The following RBPJ variants were observed in gnomAD, a reference collection of about 807,000 sequenced individuals.
RBPJ encodes recombining binding protein suppressor of hairless.
In RBPJ, 9 loss-of-function variants were observed where a neutral mutation model predicts 67.8. The observed-to-expected ratio is 0.13, with a 90% CI of 0.08 to 0.23. The LOEUF (loss-of-function observed/expected upper bound fraction) is 0.23, where lower values mean the gene tolerates loss of function less well. Among genes scored for constraint, RBPJ ranks in the 10% least tolerant of loss-of-function variants. The pLI is 1.00. For synonymous variants in RBPJ, 198 were observed against 203.3 expected (o/e 0.97, Z 0.22); for missense variants, 305 against 595.6 (o/e 0.51, Z 5.08).
intron 1 of RBPJ, among the ~76,000 whole-genome samples, chr4:26,304,771 A>G (rs561843533): frequency 1.9e-4 from 28 of 146,892 alleles, no homozygotes; most frequent in African/African-American, 7.1e-4. Flanking sequence ...ATCTACAAAT[A>G]TTTTCTCCCA....
rs1560354563 is a variant in RBPJ at position 26,434,259 on chromosome 4, T to G, written c.*3252T>G. On this transcript the variant is annotated 3_prime_UTR_variant, in exon 11 of 11. Coordinates refer to ENST00000355476, the MANE Select transcript of RBPJ (RefSeq NM_015874.6). ...TATCTGCAATCATAACTGGTTAGTT[T>G]TTTTGTTTTGTTTTGTTTTATTGTT... is the stretch of plus-strand genomic sequence containing the variant. 6.6e-6 allele frequency: 1 copy of G among 152,188 alleles called. No homozygotes were observed. The highest frequency in any genetic ancestry group is 1.5e-5 in the Non-Finnish European group (1 of 68,016). 9.4% of individuals were successfully genotyped at this position (152,188 alleles called of 1,614,324 possible).
At chr4:26,121,608 A>G in the RBPJ span, among the ~76,000 whole-genome samples, 1 of 152,090 alleles carries the variant, frequency 6.6e-6, no homozygotes, top group Non-Finnish European at 1.5e-5. Flanking sequence ...GGAGGAAACT[A>G]GTTGTTACCT....
upstream of RBPJ, among the ~76,000 whole-genome samples, chr4:26,158,952 TC>T (rs1716027545): frequency 2.7e-5 from 2 of 73,370 alleles, no homozygotes; most frequent in East Asian, 9.3e-4. Context: ...TCTTTCTCTC[TC>T]TCTCTCTCTC....
intron 1 of RBPJ, among the ~76,000 whole-genome samples, chr4:26,381,843 C>T (rs1044883958): frequency 2.0e-5 from 3 of 151,830 alleles, no homozygotes; most frequent in Non-Finnish European, 4.4e-5. Flanking sequence ...TAAATGTATG[C>T]CAGGATTATT....
At chr4:26,188,220 T>TAC (rs370551394) in intron 1 of RBPJ, among the ~76,000 whole-genome samples, 28 of 150,590 alleles carry the variant, frequency 1.9e-4, no homozygotes, top group East Asian at 3.9e-4. Flanking sequence ...CACACACACA[T>TAC]ACACACACAC....
Position 26,270,393 on chromosome 4 carries a change from G to GAAAGAAAGAAAGAA in RBPJ, c.-166-92051_-166-92038dup. Among the ~76,000 whole-genome samples, 2 of 58,040 alleles carry GAAAGAAAGAAAGAA rather than the reference G, an allele frequency of 3.4e-5. 1 individual carries two copies. The highest frequency in any genetic ancestry group is 7.9e-5 in the Non-Finnish European group (2 of 25,238). 38.1% of individuals were successfully genotyped at this position (58,040 alleles called of 152,430 possible). On this transcript the variant is annotated intron_variant, in intron 1 of 4. Transcript: ENST00000512351. ...AGAAAGAAAGAAAGAAAGAAAGAAA[G>GAAAGAAAGAAAGAA]AAAGAAAGAAAGAAAGAAAGAAAGA...
At chr4:26,182,046 A>T (rs1717017012) in intron 1 of RBPJ, among the ~76,000 whole-genome samples, 1 of 152,220 alleles carries the variant, frequency 6.6e-6, no homozygotes, top group African/African-American at 2.4e-5. Context: ...GATCTTTTAA[A>T]ACTTTTTGAC....
intron 1 of RBPJ, among the ~76,000 whole-genome samples, chr4:26,349,104 T>C (rs1360532859): frequency 2.0e-5 from 2 of 97,726 alleles, no homozygotes; most frequent in African/African-American, 3.3e-5. Context: ...GCGCACGCAC[T>C]TGCCAGGCTC....
chr4:26,175,750 T>C (rs6824647), intron 1 of RBPJ, among the ~76,000 whole-genome samples: 47,253 of 152,156 alleles, frequency 0.31, 10,743 homozygotes, highest in African/African-American at 0.65. Flanking sequence ...CTATTCTCCA[T>C]GGTCTTTGAA....
the RBPJ span, among the ~76,000 whole-genome samples, chr4:26,125,351 A>G: frequency 1.3e-5 from 2 of 152,214 alleles, no homozygotes; most frequent in African/African-American, 4.8e-5. Flanking sequence ...CTGGGAGTGC[A>G]AAGGTTGATT....
intron 1 of RBPJ, among the ~76,000 whole-genome samples, chr4:26,249,141 TCTCGAAAG>T (rs1342235190): frequency 6.6e-6 from 1 of 152,190 alleles, no homozygotes; most frequent in Non-Finnish European, 1.5e-5. Flanking sequence ...AGTGATAGCA[TCTCGAAAG>T]CAAAAGCGGG....
chr4:26,185,579 A>G (rs1717216946), intron 1 of RBPJ, among the ~76,000 whole-genome samples: 1 of 152,230 alleles, frequency 6.6e-6, no homozygotes, highest in Non-Finnish European at 1.5e-5. Context: ...AATTATCCAG[A>G]GTCCCTCGGT....
chr4:26,366,511 G>A (rs535810874), intron 1 of RBPJ, among the ~76,000 whole-genome samples: 17 of 152,036 alleles, frequency 1.1e-4, no homozygotes, highest in South Asian at 2.1e-4. Flanking sequence ...TGCAACCTCC[G>A]CCTCCTGGAT....
At chr4:26,239,147 C>A (rs892247562) in intron 1 of RBPJ, among the ~76,000 whole-genome samples, 1 of 152,132 alleles carries the variant, frequency 6.6e-6, no homozygotes, top group East Asian at 1.9e-4. Context: ...CCAGCCGGAC[C>A]ATGATCAGCC....
At chr4:26,399,571 A>G (rs1004378679) in intron 2 of RBPJ, among the ~76,000 whole-genome samples, 5 of 151,908 alleles carry the variant, frequency 3.3e-5, no homozygotes, top group Non-Finnish European at 7.4e-5. Context: ...AAGGCAAACC[A>G]CAGTCAAAAA....
intron 1 of RBPJ, among the ~76,000 whole-genome samples, chr4:26,190,965 CCG>C (rs1420123445): frequency 6.6e-6 from 1 of 150,728 alleles, no homozygotes; most frequent in Non-Finnish European, 1.5e-5. Flanking sequence ...GGGCAACATA[CCG>C]AGACCTCGTC....
intron 1 of RBPJ, among the ~76,000 whole-genome samples, chr4:26,207,231 T>C (rs1718202201): frequency 6.6e-6 from 1 of 152,168 alleles, no homozygotes; most frequent in East Asian, 1.9e-4. Context: ...TATCCACTTC[T>C]GGGAGCTGTT....
the RBPJ span, among the ~76,000 whole-genome samples, chr4:26,148,146 A>G: frequency 5.3e-5 from 8 of 152,318 alleles, no homozygotes; most frequent in African/African-American, 1.9e-4. Context: ...AACTTAAGGG[A>G]GAGAGAGTGG....
At chr4:26,396,513 C>G (rs1732134803) in intron 2 of RBPJ, among the ~76,000 whole-genome samples, 1 of 152,234 alleles carries the variant, frequency 6.6e-6, no homozygotes, top group African/African-American at 2.4e-5. Flanking sequence ...TCAGATTCTT[C>G]TAGTCCCAAA....
Sources: allele counts gnomAD v4.1 joint callset (sites outside exome capture counted in the v4.1 genomes callset), GRCh38; gene constraint gnomAD v4.1.1; transcripts MANE v1.5; gene names NCBI Gene and HGNC (gene_info 2026-07-23, HGNC 2026-07-21).